Variants in SLC36A1 observed in about 807,000 individuals in gnomAD.
SLC36A1 encodes the protein proton-coupled amino acid transporter 1.
A neutral mutation model predicts 47.5 loss-of-function variants in SLC36A1; 30 were observed. The ratio of observed to expected loss-of-function variants is 0.63; its 90% CI spans 0.47 to 0.86. The LOEUF (loss-of-function observed/expected upper bound fraction) is 0.86. Ranked by LOEUF, SLC36A1 falls within the 40% of genes least tolerant of loss-of-function variation. The probability of loss-of-function intolerance (pLI) is 0.00; values close to 1 mark genes in which losing one functional copy is unlikely to be tolerated. For synonymous variants in SLC36A1, 255 were observed against 249.7 expected (o/e 1.02, Z -0.20); for missense variants, 517 against 606.0 (o/e 0.85, Z 1.54).
chr5:151,517,413 G>A, the SLC36A1 span, among the ~76,000 whole-genome samples: 2 of 152,172 alleles, frequency 1.3e-5, no homozygotes, highest in East Asian at 1.9e-4. Context: ...ACTTGTGACC[G>A]TCCTTGGACG....
At chr5:151,439,031 A>G (rs56190406) in intron 1 of SLC36A1, among the ~76,000 whole-genome samples, 2,251 of 152,276 alleles carry the variant, frequency 0.015, 45 homozygotes, top group African/African-American at 0.051. Context: ...GAATTGATTC[A>G]CAGTTCTACA....
chr5:151,543,527 T>G, the SLC36A1 span: 2 of 1,614,202 alleles, frequency 1.2e-6, no homozygotes, highest in Non-Finnish European at 1.7e-6. Context: ...ATCTGGCCAT[T>G]GGGGTTTATG....
At chr5:151,473,238 G>C (rs925662733) in intron 7 of SLC36A1, among the ~76,000 whole-genome samples, 11 of 151,080 alleles carry the variant, frequency 7.3e-5, no homozygotes, top group Admixed American at 2.6e-4. Context: ...TATATATTCT[G>C]TGGTTTAGCT....
the SLC36A1 span, chr5:151,550,464 G>A: frequency 1.8e-6 from 2 of 1,114,436 alleles, no homozygotes; most frequent in South Asian, 1.5e-5. Context: ...GCTGTGAAAT[G>A]TCACAACTCT....
chr5:151,485,012 T>A (rs1759330887), intron 10 of SLC36A1, among the ~76,000 whole-genome samples: 2 of 152,158 alleles, frequency 1.3e-5, no homozygotes, highest in Non-Finnish European at 2.9e-5. Flanking sequence ...TTGGTGTCGG[T>A]ACCACAGCAG....
At chr5:151,366,999 C>T in the SLC36A1 span, among the ~76,000 whole-genome samples, 2 of 152,130 alleles carry the variant, frequency 1.3e-5, no homozygotes, top group Admixed American at 6.5e-5. Flanking sequence ...GTGCAAAAAG[C>T]AGAACCACTA....
chr5:151,533,921 A>G, the SLC36A1 span, among the ~76,000 whole-genome samples: 1 of 152,208 alleles, frequency 6.6e-6, no homozygotes, highest in Non-Finnish European at 1.5e-5. Flanking sequence ...TTTAAAAGAA[A>G]AAGAATTAAC....
chr5:151,473,443 A>G (rs1036279402), intron 7 of SLC36A1, among the ~76,000 whole-genome samples: 1 of 152,096 alleles, frequency 6.6e-6, no homozygotes, highest in Non-Finnish European at 1.5e-5. Context: ...TGAGTTTTTA[A>G]TAGTACCTTG....
the SLC36A1 span, among the ~76,000 whole-genome samples, chr5:151,388,369 C>T: frequency 5.9e-5 from 9 of 151,912 alleles, no homozygotes; most frequent in South Asian, 2.1e-4. Flanking sequence ...GGCGTGTTGG[C>T]GCATGCCGGT....
At chr5:151,518,365 A>AATG in the SLC36A1 span, among the ~76,000 whole-genome samples, 1 of 69,120 alleles carries the variant, frequency 1.4e-5, no homozygotes, top group African/African-American at 3.7e-5. Flanking sequence ...TAATAATAAT[A>AATG]ATAATAATAA....
chr5:151,477,789 A>G (rs1758282654), intron 9 of SLC36A1, among the ~76,000 whole-genome samples: 1 of 152,200 alleles, frequency 6.6e-6, no homozygotes. Context: ...GGCAGGTGGT[A>G]GCTTGGTGTA....
At chr5:151,483,816 G>A (rs892664840) in intron 10 of SLC36A1, among the ~76,000 whole-genome samples, 20 of 152,100 alleles carry the variant, frequency 1.3e-4, no homozygotes, top group Admixed American at 7.2e-4. Context: ...TGGGAGGCTC[G>A]CTCTTCTTGC....
At chr5:151,448,042 G>T (rs1753085671) in intron 1 of SLC36A1, among the ~76,000 whole-genome samples, 1 of 152,218 alleles carries the variant, frequency 6.6e-6, no homozygotes, top group Admixed American at 6.5e-5. Flanking sequence ...GGACCATCTA[G>T]GGCGTCTTTC....
the SLC36A1 span, chr5:151,431,114 A>G: frequency 6.6e-6 from 1 of 152,164 alleles, no homozygotes; most frequent in Admixed American, 6.5e-5. Context: ...ATGGAGCATT[A>G]TTTTTGCTAC....
the SLC36A1 span, among the ~76,000 whole-genome samples, chr5:151,401,237 T>G: frequency 6.6e-6 from 1 of 152,168 alleles, no homozygotes; most frequent in Admixed American, 6.5e-5. Context: ...CTTCTGCATA[T>G]GTTCTAGCCA....
At chr5:151,501,848 C>T in the SLC36A1 span, among the ~76,000 whole-genome samples, 1 of 148,054 alleles carries the variant, frequency 6.8e-6, no homozygotes, top group African/African-American at 2.7e-5. Context: ...ACATCCTTCA[C>T]AAAAAGTAAC....
In SLC36A1 at chr5:151,467,297, TA is replaced by T; in HGVS notation, c.504+20del. 1.7e-6 allele frequency: 2 copies of T among 1,148,018 alleles called. No individual in the cohort carries two copies. Among genetic ancestry groups the T allele is most frequent in the South Asian group, 1.9e-5 (1 of 51,930 alleles). The allele number at this position is 1,148,018 out of a possible 1,614,324, so 71.1% of individuals were successfully genotyped here. ...AACTTTAAACAGGTAGGCACCTGGTTAAAAAAGAAAAAAAAAAAAAAAACCA... is the reference window on the plus strand; with the variant it reads ...AACTTTAAACAGGTAGGCACCTGGTTAAAAAGAAAAAAAAAAAAAAAACCA... On this transcript the variant is annotated intron_variant, in intron 6 of 10. Coordinates refer to ENST00000243389, the MANE Select transcript of SLC36A1 (RefSeq NM_078483.4).
At chr5:151,509,787 A>G in the SLC36A1 span, 2 of 505,720 alleles carry the variant, frequency 4.0e-6, no homozygotes, top group South Asian at 3.3e-5. Flanking sequence ...TGCTTGAATC[A>G]TCCTGAAACC....
Position 151,473,657 on chromosome 5 carries a change from G to A in SLC36A1, c.724-16G>A, listed in dbSNP as rs761076753. On this transcript the variant is annotated splice_polypyrimidine_tract_variant and intron_variant, in intron 7 of 10. Transcript: ENST00000243389. ...CTTTTGCTTTGTTTTGCTTTGTTTT[G>A]CTTTCTGTCTTTCAGAGGATCCCAG... is the stretch of plus-strand genomic sequence containing the variant. The A allele has an allele frequency of 1.4e-6, 2 of 1,390,856 alleles. No individual in the cohort carries two copies. The highest frequency in any genetic ancestry group is 2.0e-6 in the Non-Finnish European group (2 of 1,002,416). 86.2% of individuals were successfully genotyped at this position (1,390,856 alleles called of 1,614,324 possible). A position where few individuals can be genotyped will look rare whatever the true frequency, so the allele number is the denominator to read the frequency against.
Sources: allele counts gnomAD v4.1 joint callset (sites outside exome capture counted in the v4.1 genomes callset), GRCh38; gene constraint gnomAD v4.1.1; transcripts MANE v1.5; gene names NCBI Gene and HGNC (gene_info 2026-07-23, HGNC 2026-07-21).